The following PCSK6 variants were observed in gnomAD, a reference collection of about 807,000 sequenced individuals.
PCSK6 encodes proprotein convertase subtilisin/kexin type 6, also known as paired basic amino acid cleaving enzyme 4.
A neutral mutation model predicts 123.3 loss-of-function variants in PCSK6; 85 were observed. The ratio of observed to expected loss-of-function variants is 0.69; its 90% CI spans 0.58 to 0.83. The LOEUF (loss-of-function observed/expected upper bound fraction) is 0.83. PCSK6 is among the 40% of genes least tolerant of loss of function. PCSK6 has a pLI of 0.00. For synonymous variants in PCSK6, 508 were observed against 516.0 expected (o/e 0.98, Z 0.21); for missense variants, 1,191 against 1,282.3 (o/e 0.93, Z 1.09).
intron 1 of PCSK6, among the ~76,000 whole-genome samples, chr15:101,460,600 C>G (rs373968991): frequency 4.5e-4 from 68 of 152,314 alleles, no homozygotes; most frequent in Middle Eastern, 3.4e-3. Context: ...AATAACATTT[C>G]TCTCTAGAGA....
rs188166561 is a variant in PCSK6, at chr15:101,459,592, C to T, written c.298-15932G>A. On this transcript the variant is annotated intron_variant, in intron 1 of 21. Coordinates refer to ENST00000611716, the MANE Select transcript of PCSK6 (RefSeq NM_002570.5). ...TCCTCACTGCACTATCATTGGGCTC[C>T]CCCTCCTCCATCACCATTGTGCCAC... 2.9e-3 allele frequency among the ~76,000 whole-genome samples: 370 copies of T among 126,204 alleles called. 7 individuals are homozygous for T. Among genetic ancestry groups the T allele is most frequent in the African/African-American group, 9.5e-3 (341 of 35,916 alleles). 82.8% of individuals were successfully genotyped at this position (126,204 alleles called of 152,430 possible).
At chr15:101,476,524 C>A (rs577726597) in intron 1 of PCSK6, among the ~76,000 whole-genome samples, 65 of 138,566 alleles carry the variant, frequency 4.7e-4, no homozygotes, top group African/African-American at 6.1e-4. Context: ...TAGGTAGGTC[C>A]AAAAAAAAAA....
intron 13 of PCSK6, among the ~76,000 whole-genome samples, chr15:101,345,081 C>G (rs562667015): frequency 6.6e-6 from 1 of 152,282 alleles, no homozygotes; most frequent in African/African-American, 2.4e-5. Flanking sequence ...TCTGTGTCTC[C>G]TTTCCTTGGG....
chr15:101,456,001 T>C (rs925147581), intron 1 of PCSK6, among the ~76,000 whole-genome samples: 4 of 152,266 alleles, frequency 2.6e-5, no homozygotes, highest in African/African-American at 9.6e-5. Flanking sequence ...GCACCCTTGC[T>C]GGCCACAGTT....
intron 2 of PCSK6, among the ~76,000 whole-genome samples, chr15:101,441,774 G>C (rs2056759873): frequency 6.6e-6 from 1 of 152,196 alleles, no homozygotes; most frequent in Non-Finnish European, 1.5e-5. Context: ...TGCTTTCATT[G>C]TAACTATCCG....
chr15:101,387,703 G>GTCCCTCCCCAGACTCTCAGGGA (rs2042105257), intron 9 of PCSK6, among the ~76,000 whole-genome samples: 2 of 152,250 alleles, frequency 1.3e-5, no homozygotes, highest in Non-Finnish European at 2.9e-5. Context: ...GCTGTCTGGG[G>GTCCCTCCCCAGACTCTCAGGGA]GCCCTCCCCA....
At chr15:101,361,944 T>C (rs1426246714) in intron 13 of PCSK6, among the ~76,000 whole-genome samples, 1 of 143,888 alleles carries the variant, frequency 6.9e-6, no homozygotes, top group South Asian at 2.2e-4. Context: ...AGCAATGGAG[T>C]GCAAGGTGAA....
At chr15:101,388,612 G>A (rs1368646927) in intron 9 of PCSK6, among the ~76,000 whole-genome samples, 2 of 152,196 alleles carry the variant, frequency 1.3e-5, no homozygotes, top group African/African-American at 4.8e-5. Context: ...AGAATCAGAG[G>A]CAGGCCTTGG....
intron 6 of PCSK6, among the ~76,000 whole-genome samples, chr15:101,422,638 T>TTTA (rs2056118771): frequency 7.0e-6 from 1 of 143,712 alleles, no homozygotes. Context: ...TTTTTTTTTT[T>TTTA]GAGACGGAGT....
rs554714948 is a variant in PCSK6 at position 101,325,130 on chromosome 15, C to T, written c.2181-84G>A. 8 of 992,996 alleles carry T rather than the reference C, an allele frequency of 8.1e-6. No homozygotes were observed. In the East Asian group the frequency reaches 1.0e-4, roughly 13 times the overall value. 61.5% of individuals were successfully genotyped at this position (992,996 alleles called of 1,614,324 possible). On this transcript the variant is annotated intron_variant, in intron 16 of 21. Coordinates refer to ENST00000611716, the MANE Select transcript of PCSK6 (RefSeq NM_002570.5). Reference sequence around the variant, plus strand: ...TGCCCCTTTGTTTCCTCTGAGGAAACGAAGGCTTCAGGAGTGAATGTCAAA... The same window carrying T: ...TGCCCCTTTGTTTCCTCTGAGGAAATGAAGGCTTCAGGAGTGAATGTCAAA...
chr15:101,375,012 G>T (rs951215235), intron 11 of PCSK6, among the ~76,000 whole-genome samples: 2 of 151,720 alleles, frequency 1.3e-5, no homozygotes, highest in African/African-American at 4.9e-5. Context: ...GAGTGCAGTG[G>T]TGCTATCTCA....
At chr15:101,389,391 T>C (rs564650293) in intron 9 of PCSK6, 73 bp downstream of exon 9, 11 of 1,189,132 alleles carry the variant, frequency 9.3e-6, no homozygotes, top group African/African-American at 6.0e-5. Context: ...AGGGTGAAAA[T>C]GGCCAATGTC....
chr15:101,388,063 G>C (rs1184208128), intron 9 of PCSK6, among the ~76,000 whole-genome samples: 1 of 152,232 alleles, frequency 6.6e-6, no homozygotes, highest in Non-Finnish European at 1.5e-5. Flanking sequence ...CCCCGGAGCA[G>C]GGTTTGTTTT....
intron 1 of PCSK6, among the ~76,000 whole-genome samples, chr15:101,468,713 G>A (rs1002935808): frequency 3.3e-5 from 5 of 152,274 alleles, no homozygotes; most frequent in African/African-American, 9.6e-5. Flanking sequence ...CCTTGATGCT[G>A]GGCCAGTGGT....
In PCSK6 at chr15:101,443,654, T is replaced by C. The variant is rs779192917; in HGVS notation, c.304A>G (p.Asn102Asp). The change falls in exon 2 of 22, where the codon AAC becomes GAC. Residue 102 changes from asparagine to aspartate, a missense_variant. This residue lies in a region of PCSK6 where 204 missense variants were observed against 166.4 expected (regional missense o/e 1.23). Transcript: ENST00000611716. ...HGYLNLGQIGNLEDYYHFYHS... is the reference protein window; with the variant it reads ...HGYLNLGQIGDLEDYYHFYHS... ...TAAAAATGGTAGTAATCTTCCAGGT[T>C]TCCAATCTGCAAGACAAGAAGCAGA... 2 of 1,612,118 alleles carry C rather than the reference T, an allele frequency of 1.2e-6. No homozygotes were observed. The highest frequency in any genetic ancestry group is 1.7e-6 in the Non-Finnish European group (2 of 1,178,324).
chr15:101,390,531 G>A (rs2042203511), intron 8 of PCSK6, among the ~76,000 whole-genome samples: 1 of 152,240 alleles, frequency 6.6e-6, no homozygotes, highest in Non-Finnish European at 1.5e-5. Flanking sequence ...GAGAGAGGAA[G>A]CATTAGAAGG....
intron 13 of PCSK6, among the ~76,000 whole-genome samples, chr15:101,357,062 CA>C (rs2041065537): frequency 6.6e-6 from 1 of 152,216 alleles, no homozygotes; most frequent in Admixed American, 6.5e-5. Context: ...ACCATTGGAG[CA>C]GTTTTTTTCT....
At chr15:101,347,069 G>A in intron 13 of PCSK6, 2 of 1,231,760 alleles carry the variant, frequency 1.6e-6, no homozygotes, top group Non-Finnish European at 2.0e-6. Flanking sequence ...TGTTTGGAGA[G>A]TGTGCCAAGT....
chr15:101,393,460 G>T, intron 7 of PCSK6, 36 bp from the exon 8 acceptor site: 1 of 1,551,288 alleles, frequency 6.4e-7, no homozygotes. Context: ...TAGCCCCGCA[G>T]CAGAACCTCG....
Sources: allele counts gnomAD v4.1 joint callset (sites outside exome capture counted in the v4.1 genomes callset), GRCh38; gene constraint gnomAD v4.1.1; regional missense constraint gnomAD v4.1.1; transcripts MANE v1.5; gene names NCBI Gene and HGNC (gene_info 2026-07-23, HGNC 2026-07-21).